Variants in ZDHHC11B observed in about 807,000 individuals in gnomAD.
The protein encoded by ZDHHC11B is probable palmitoyltransferase ZDHHC11B.
ZDHHC11B carries 17 observed loss-of-function variants against 42.3 expected under a neutral mutation model. The observed-to-expected ratio is 0.40, with a 90% CI of 0.27 to 0.60. The LOEUF (loss-of-function observed/expected upper bound fraction) is 0.60, where lower values mean the gene tolerates loss of function less well. Ranked by LOEUF, ZDHHC11B falls within the 20% of genes least tolerant of loss-of-function variation. The probability of loss-of-function intolerance (pLI) is 0.41; values close to 1 mark genes in which losing one functional copy is unlikely to be tolerated. For synonymous variants in ZDHHC11B, 123 were observed against 193.5 expected, an observed-to-expected ratio of 0.64 and a Z score of 3.02; for missense variants, 262 against 463.2, an observed-to-expected ratio of 0.57 and a Z score of 3.99.
At chr5:769,978 G>A (rs72707100) in intron 1 of ZDHHC11B, among the ~76,000 whole-genome samples, 3,818 of 150,268 alleles carry the variant, frequency 0.025, 29 homozygotes, top group Non-Finnish European at 0.04. Flanking sequence ...CCGCGAGACG[G>A]CCGTCCACAC....
chr5:733,738 T>C lies in ZDHHC11B; in HGVS notation c.1023+14A>G. On this transcript the variant is annotated intron_variant, in intron 11 of 13. Coordinates refer to ENST00000508859, the MANE Select transcript of ZDHHC11B (RefSeq NM_001351303.2). ...CCCTGTCCTCAGGGTGCATTGCTGG[T>C]GACTGCAACTTACCTGTGCCTTCGA... 1 of 1,607,376 alleles carries C rather than the reference T, an allele frequency of 6.2e-7. No homozygotes were observed. The highest frequency in any genetic ancestry group is 1.1e-5 in the South Asian group (1 of 90,888).
At chr5:748,378 TCG>T in intron 8 of ZDHHC11B, 24 bp downstream of exon 8, 2 of 1,251,164 alleles carry the variant, frequency 1.6e-6, no homozygotes, top group Non-Finnish European at 2.1e-6. Flanking sequence ...CTTGGGGGGA[TCG>T]GGGGCTTAGG....
chr5:777,941 G>A (rs1172722420), intron 1 of ZDHHC11B, among the ~76,000 whole-genome samples: 1 of 151,812 alleles, frequency 6.6e-6, no homozygotes, highest in African/African-American at 2.4e-5. Flanking sequence ...TCGGCATGGC[G>A]GTCGGCGGGT....
intron 6 of ZDHHC11B, among the ~76,000 whole-genome samples, chr5:753,200 C>G (rs1746017745): frequency 7.8e-6 from 1 of 128,928 alleles, no homozygotes; most frequent in African/African-American, 2.5e-5. Context: ...AGCTGGGCCT[C>G]CCCATGGGGG....
At chr5:717,786 G>A (rs1225147909) in intron 12 of ZDHHC11B, among the ~76,000 whole-genome samples, 2 of 151,796 alleles carry the variant, frequency 1.3e-5, no homozygotes, top group African/African-American at 4.9e-5. Context: ...GAGACCCCCA[G>A]GAATTGCCAT....
intron 12 of ZDHHC11B, among the ~76,000 whole-genome samples, chr5:721,275 AG>A (rs1742165245): frequency 7.0e-6 from 1 of 142,630 alleles, no homozygotes; most frequent in African/African-American, 2.5e-5. Flanking sequence ...TTAAATGGGC[AG>A]GAATTGAGAA....
intron 6 of ZDHHC11B, among the ~76,000 whole-genome samples, chr5:754,232 G>A (rs1305604974): frequency 8.6e-6 from 1 of 116,642 alleles, no homozygotes. Flanking sequence ...TCTCATCTAT[G>A]AGCCTCCACC....
intron 13 of ZDHHC11B, among the ~76,000 whole-genome samples, chr5:712,917 T>C (rs1347320157): frequency 8.5e-6 from 1 of 117,460 alleles, no homozygotes; most frequent in Non-Finnish European, 1.8e-5. Flanking sequence ...TAAATACATA[T>C]GTGTGTGTGT....
chr5:751,888 G>T (rs1326204648), intron 6 of ZDHHC11B, among the ~76,000 whole-genome samples: 4 of 119,444 alleles, frequency 3.3e-5, no homozygotes, highest in African/African-American at 1.1e-4. Context: ...GTTGTGAGGA[G>T]GGGGAACCAG....
intron 11 of ZDHHC11B, among the ~76,000 whole-genome samples, chr5:731,512 T>C (rs1743015960): frequency 2.0e-5 from 3 of 151,082 alleles, no homozygotes; most frequent in Admixed American, 1.3e-4. Flanking sequence ...TTCTCATGGA[T>C]ATTGTTGCCT....
intron 1 of ZDHHC11B, among the ~76,000 whole-genome samples, chr5:779,216 G>A (rs1173456892): frequency 2.0e-5 from 3 of 151,406 alleles, no homozygotes; most frequent in Non-Finnish European, 2.9e-5. Context: ...GAGGCAGGGA[G>A]CGTCCCACCA....
chr5:721,788 C>T (rs1483975957), intron 12 of ZDHHC11B, among the ~76,000 whole-genome samples: 1 of 151,622 alleles, frequency 6.6e-6, no homozygotes, highest in Non-Finnish European at 1.5e-5. Flanking sequence ...TAGAGCCTTT[C>T]GTGGGAGAGA....
intron 4 of ZDHHC11B, among the ~76,000 whole-genome samples, chr5:759,899 G>A (rs777941379): frequency 3.9e-5 from 6 of 151,910 alleles, no homozygotes; most frequent in Non-Finnish European, 7.4e-5. Flanking sequence ...ACAATGCAAA[G>A]CCACATGCTG....
intron 13 of ZDHHC11B, among the ~76,000 whole-genome samples, chr5:715,211 C>T (rs149203334): frequency 0.047 from 6,977 of 148,878 alleles, 214 homozygotes; most frequent in Non-Finnish European, 0.066. Flanking sequence ...CTGTTGCTCA[C>T]GGAAGGGAGT....
In ZDHHC11B at chr5:777,804, G is replaced by A. The variant is rs573671329; in HGVS notation, c.-230+6864C>T. 3.3e-3 allele frequency among the ~76,000 whole-genome samples: 496 copies of A among 151,964 alleles called. 13 individuals are homozygous for A. Among genetic ancestry groups the A allele is most frequent in the African/African-American group, 0.011 (475 of 41,368 alleles). On this transcript the variant is annotated intron_variant, in intron 1 of 13. Coordinates refer to ENST00000508859, the MANE Select transcript of ZDHHC11B (RefSeq NM_001351303.2). The stretch of plus-strand genomic sequence containing the variant: ...AGCCCCGCAGCAGGCGGAGCTGCCC[G>A]CCAGTACTGCGCCACGCGCCCGCAC...
chr5:744,355 TGAAA>T (rs1158680802), intron 9 of ZDHHC11B, among the ~76,000 whole-genome samples: 1 of 149,614 alleles, frequency 6.7e-6, no homozygotes. Flanking sequence ...CTCTGTTTTC[TGAAA>T]GAGTCTGTGT....
intron 4 of ZDHHC11B, among the ~76,000 whole-genome samples, 181 bp from the exon 5 acceptor site, chr5:756,325 T>C (rs1442353177): frequency 6.6e-6 from 1 of 151,436 alleles, no homozygotes; most frequent in African/African-American, 2.4e-5. Flanking sequence ...TGTCCAGTCT[T>C]GCACACATGG....
At chr5:721,259 G>T (rs569181228) in intron 12 of ZDHHC11B, among the ~76,000 whole-genome samples, 160 of 150,278 alleles carry the variant, frequency 1.1e-3, no homozygotes, top group Admixed American at 3.5e-3. Flanking sequence ...TTCAACTAAA[G>T]ATTTTTTAAA....
At chr5:776,564 G>A (rs1419428752) in intron 1 of ZDHHC11B, among the ~76,000 whole-genome samples, 2 of 151,690 alleles carry the variant, frequency 1.3e-5, no homozygotes, top group Non-Finnish European at 2.9e-5. Context: ...TGGGCATTCA[G>A]CCTGGACAGC....
Sources: gnomAD v4.1 joint callset for allele counts (sites outside exome capture counted in the v4.1 genomes callset) on GRCh38, gnomAD v4.1.1 for gene constraint, MANE v1.5 for transcripts, NCBI Gene and HGNC (gene_info 2026-07-23, HGNC 2026-07-21) for gene names.